The following RASAL2 variants were observed in gnomAD, a reference collection of about 807,000 sequenced individuals.
RASAL2 encodes ras GTPase-activating protein nGAP.
Under a neutral mutation model 128.9 loss-of-function variants are expected in RASAL2, and 58 were observed. That is an observed-to-expected ratio of 0.45 (90% CI 0.36 to 0.56). RASAL2 has a LOEUF of 0.56. Among genes scored for constraint, RASAL2 ranks in the 20% least tolerant of loss-of-function variants. The pLI is 0.00. For synonymous variants in RASAL2, 561 were observed against 580.8 expected, an observed-to-expected ratio of 0.97 and a Z score of 0.49; for missense variants, 1,360 against 1,601.6, an observed-to-expected ratio of 0.85 and a Z score of 2.57.
At chr1:178,332,040 C>T (rs990257284) in intron 3 of RASAL2, among the ~76,000 whole-genome samples, 1 of 152,076 alleles carries the variant, frequency 6.6e-6, no homozygotes, top group African/African-American at 2.4e-5. Flanking sequence ...TTTCAGTTTA[C>T]ATGTATAGAT....
intron 4 of RASAL2, among the ~76,000 whole-genome samples, chr1:178,414,114 G>A (rs1270986671): frequency 6.6e-6 from 1 of 152,196 alleles, no homozygotes; most frequent in Non-Finnish European, 1.5e-5. Flanking sequence ...ATAGGGTTAT[G>A]TCCAAATAAA....
intron 1 of RASAL2, among the ~76,000 whole-genome samples, chr1:178,256,412 A>C (rs943942240): frequency 2.0e-4 from 31 of 152,222 alleles, no homozygotes; most frequent in Non-Finnish European, 4.4e-4. Context: ...GAAACATTAG[A>C]TACTTTCCTC....
intron 3 of RASAL2, among the ~76,000 whole-genome samples, chr1:178,389,812 A>G (rs1486658144): frequency 1.3e-5 from 2 of 152,236 alleles, no homozygotes; most frequent in Non-Finnish European, 2.9e-5. Context: ...AGATGCAACT[A>G]TTAAGTGAAC....
Position 178,473,559 on chromosome 1 carries a change from C to T in RASAL2, c.*320C>T, listed in dbSNP as rs1648469598. ...TATTGCTATTTTTATTATTGTTTTC[C>T]TCTTGTTGAAAGCACTGCAGTTGTT... On this transcript the variant is annotated 3_prime_UTR_variant, in exon 18 of 18. Transcript: ENST00000367649. The T allele has an allele frequency of 6.1e-6, 2 of 327,922 alleles. No individual in the cohort carries two copies. The highest frequency in any genetic ancestry group is 4.3e-5 in the African/African-American group (2 of 46,314). The allele number at this position is 327,922 out of a possible 1,614,324, so 20.3% of individuals were successfully genotyped here. A position where few individuals can be genotyped will look rare whatever the true frequency, so the allele number is the denominator to read the frequency against.
At chr1:178,145,230 C>G (rs1571541409) in intron 1 of RASAL2, among the ~76,000 whole-genome samples, 1 of 151,966 alleles carries the variant, frequency 6.6e-6, no homozygotes. Context: ...AACAAATAGG[C>G]ATTTGACTCA....
At chr1:178,154,833 T>A (rs1396416622) in intron 1 of RASAL2, among the ~76,000 whole-genome samples, 6 of 145,206 alleles carry the variant, frequency 4.1e-5, no homozygotes, top group African/African-American at 1.2e-4. Context: ...TAATAATAAT[T>A]ATTTTTTGAG....
chr1:178,426,026 C>G (rs1028720999), intron 5 of RASAL2, among the ~76,000 whole-genome samples: 1 of 152,256 alleles, frequency 6.6e-6, no homozygotes. Flanking sequence ...GCCAGACTTA[C>G]CCCTGTCACA....
At chr1:178,217,756 C>T (rs899220378) in intron 1 of RASAL2, among the ~76,000 whole-genome samples, 1 of 152,212 alleles carries the variant, frequency 6.6e-6, no homozygotes, top group African/African-American at 2.4e-5. Flanking sequence ...CTGATGACTG[C>T]TAGCTGCTCA....
intron 5 of RASAL2, among the ~76,000 whole-genome samples, chr1:178,438,997 G>A (rs992651157): frequency 2.0e-5 from 3 of 149,336 alleles, no homozygotes; most frequent in Admixed American, 1.3e-4. Flanking sequence ...TCATATAAGA[G>A]GATAAAGCTA....
intron 3 of RASAL2, among the ~76,000 whole-genome samples, chr1:178,346,175 G>C (rs1670144097): frequency 2.6e-5 from 4 of 151,976 alleles, no homozygotes; most frequent in Admixed American, 2.6e-4. Flanking sequence ...CAACACTTTG[G>C]GAGGCTGAAT....
At chr1:178,420,766 A>G in intron 5 of RASAL2, 146 bp downstream of exon 5, 1 of 588,508 alleles carries the variant, frequency 1.7e-6, no homozygotes, top group South Asian at 2.5e-5. Context: ...TATTAAGGCA[A>G]GATACAAAAT....
intron 1 of RASAL2, among the ~76,000 whole-genome samples, chr1:178,096,758 A>G (rs1658707337): frequency 1.3e-5 from 2 of 152,002 alleles, no homozygotes; most frequent in Non-Finnish European, 2.9e-5. Flanking sequence ...TTCTCTATCA[A>G]TTAACCAGAA....
At chr1:178,207,166 AAAG>A (rs1321258936) in intron 1 of RASAL2, among the ~76,000 whole-genome samples, 1 of 151,696 alleles carries the variant, frequency 6.6e-6, no homozygotes, top group African/African-American at 2.4e-5. Context: ...AAAAAAAAAA[AAAG>A]TAATGATTTT....
chr1:178,401,609 C>T (rs1673633902), intron 4 of RASAL2, among the ~76,000 whole-genome samples: 1 of 152,064 alleles, frequency 6.6e-6, no homozygotes, highest in East Asian at 1.9e-4. Flanking sequence ...TGTGAATAGC[C>T]ACTGAACTCC....
intron 1 of RASAL2, among the ~76,000 whole-genome samples, chr1:178,165,006 ATATTATATTAGT>A (rs1661472923): frequency 6.6e-6 from 1 of 151,966 alleles, no homozygotes; most frequent in African/African-American, 2.4e-5. Context: ...CATTGCATTT[ATATTATATTAGT>A]TATTATAAAT....
intron 4 of RASAL2, among the ~76,000 whole-genome samples, chr1:178,403,470 T>C (rs923053214): frequency 6.6e-6 from 1 of 152,138 alleles, no homozygotes; most frequent in African/African-American, 2.4e-5. Flanking sequence ...AGGAACAGAA[T>C]TAATTATAGG....
chr1:178,404,225 C>CAAA (rs547639078), intron 4 of RASAL2, among the ~76,000 whole-genome samples: 1 of 57,132 alleles, frequency 1.8e-5, no homozygotes, highest in Non-Finnish European at 3.5e-5. Flanking sequence ...GACCCCGTCT[C>CAAA]AAAAAAAAAA....
chr1:178,241,370 C>T (rs1664489252), intron 1 of RASAL2, among the ~76,000 whole-genome samples: 1 of 152,172 alleles, frequency 6.6e-6, no homozygotes, highest in Non-Finnish European at 1.5e-5. Context: ...AATTTTCAAT[C>T]TCTTTCACGT....
intron 2 of RASAL2, among the ~76,000 whole-genome samples, chr1:178,292,650 A>AG (rs1234956493): frequency 4.6e-5 from 7 of 151,974 alleles, no homozygotes; most frequent in Admixed American, 6.6e-5. Context: ...AAGAGGGCAC[A>AG]GGAGGCCATT....
Sources: allele counts gnomAD v4.1 joint callset (sites outside exome capture counted in the v4.1 genomes callset), GRCh38; gene constraint gnomAD v4.1.1; transcripts MANE v1.5; gene names NCBI Gene and HGNC (gene_info 2026-07-23, HGNC 2026-07-21).